The following SNX29 variants were observed in gnomAD, a reference collection of about 807,000 sequenced individuals.
The protein encoded by SNX29 is sorting nexin 29.
Under a neutral mutation model 102.1 loss-of-function variants are expected in SNX29, and 78 were observed. The observed-to-expected ratio is 0.76, with a 90% CI of 0.64 to 0.92. The LOEUF is 0.92. Among genes scored for constraint, SNX29 ranks in the 40% least tolerant of loss-of-function variants. The pLI, the probability that SNX29 is intolerant of heterozygous loss-of-function variation, is 0.00. For missense variants in SNX29, 1,280 were observed against 1,061.7 expected (o/e 1.21, Z -2.86); for synonymous variants, 580 against 414.5 (o/e 1.40, Z -4.85).
chr16:12,441,849 C>T (rs201857675), intron 18 of SNX29, among the ~76,000 whole-genome samples: 1 of 152,136 alleles, frequency 6.6e-6, no homozygotes, highest in Non-Finnish European at 1.5e-5. Context: ...CGTGCAGTGG[C>T]GTGATCTCAG....
At chr16:12,262,164 G>A (rs901247989) in intron 14 of SNX29, among the ~76,000 whole-genome samples, 2 of 152,030 alleles carry the variant, frequency 1.3e-5, no homozygotes, top group African/African-American at 4.8e-5. Flanking sequence ...TGTTGAGCTC[G>A]GGTCTGTGCA....
In SNX29 at chr16:12,199,650, C is replaced by G; in HGVS notation, c.1645C>G (p.Gln549Glu). 6.2e-7 allele frequency: 1 copy of G among 1,613,192 alleles called. No individual in the cohort carries two copies. The highest frequency in any genetic ancestry group is 1.1e-5 in the South Asian group (1 of 90,880). ...ACTGAAGAAATATGTAGGAGCTGTC[C>G]AGATGCTGAAAAGAGAAGGTCAAAC... ...VQLKKYVGAVQMLKREGQTAE... is the reference protein window; with the variant it reads ...VQLKKYVGAVEMLKREGQTAE... Residue 549 changes from glutamine to glutamate, a missense_variant, in exon 14 of 21, where the codon CAG (glutamine) becomes GAG (glutamate). Transcript: ENST00000566228.
intron 3 of SNX29, among the ~76,000 whole-genome samples, chr16:12,017,841 A>G (rs1423920410): frequency 6.6e-6 from 1 of 152,014 alleles, no homozygotes; most frequent in Non-Finnish European, 1.5e-5. Context: ...CTGAAGTGCT[A>G]CCATTATTAT....
At chr16:12,357,296 G>A (rs910228673) in intron 16 of SNX29, among the ~76,000 whole-genome samples, 3 of 151,636 alleles carry the variant, frequency 2.0e-5, no homozygotes, top group African/African-American at 7.3e-5. Context: ...CAAATTCTGG[G>A]TATTATTTCA....
intron 18 of SNX29, among the ~76,000 whole-genome samples, chr16:12,476,968 C>G (rs1321013775): frequency 1.3e-5 from 2 of 152,122 alleles, no homozygotes; most frequent in Admixed American, 1.3e-4. Flanking sequence ...CTGTTCTTAA[C>G]TCATGTAATT....
chr16:12,406,665 T>C (rs746296847), intron 18 of SNX29, among the ~76,000 whole-genome samples: 1 of 152,206 alleles, frequency 6.6e-6, no homozygotes, highest in Non-Finnish European at 1.5e-5. Context: ...CCCAGCACTT[T>C]GGGAGGCCGA....
intron 16 of SNX29, among the ~76,000 whole-genome samples, chr16:12,359,789 A>G (rs768303580): frequency 6.6e-6 from 1 of 152,116 alleles, no homozygotes; most frequent in African/African-American, 2.4e-5. Flanking sequence ...CTGCTAAAAT[A>G]TATTCACAAT....
At chr16:12,281,173 C>G (rs4781202) in intron 15 of SNX29, among the ~76,000 whole-genome samples, 80,548 of 152,080 alleles carry the variant, frequency 0.53, 21,809 homozygotes, top group Non-Finnish European at 0.6. Flanking sequence ...CTCGGCCTCT[C>G]AAAGTGCTGG....
intron 18 of SNX29, among the ~76,000 whole-genome samples, chr16:12,459,124 C>T (rs1417005345): frequency 1.3e-4 from 18 of 135,742 alleles, no homozygotes; most frequent in Non-Finnish European, 2.7e-4. Context: ...CTCCTCCTCC[C>T]ATTTCACTCC....
intron 20 of SNX29, among the ~76,000 whole-genome samples, chr16:12,529,063 C>T (rs1409335807): frequency 2.6e-5 from 4 of 152,236 alleles, no homozygotes; most frequent in Non-Finnish European, 5.9e-5. Context: ...AGTAATCTGC[C>T]ATCTGCACAA....
intron 20 of SNX29, among the ~76,000 whole-genome samples, chr16:12,529,419 G>A (rs935577348): frequency 4.6e-5 from 7 of 152,186 alleles, no homozygotes; most frequent in Non-Finnish European, 1.0e-4. Flanking sequence ...GTGGAGGGAG[G>A]CTCGGACTCC....
At chr16:12,554,386 C>CT (rs5815693) in intron 20 of SNX29, among the ~76,000 whole-genome samples, 88,852 of 152,034 alleles carry the variant, frequency 0.58, 29,092 homozygotes, top group East Asian at 0.99. Context: ...TTCTGTGCCC[C>CT]GTGCATGGGT....
intron 15 of SNX29, among the ~76,000 whole-genome samples, chr16:12,294,307 C>T (rs560427147): frequency 3.9e-5 from 6 of 152,188 alleles, no homozygotes; most frequent in African/African-American, 1.2e-4. Flanking sequence ...GATGGGGAAC[C>T]CTCTTGTCTC....
At chr16:12,396,576 A>C (rs2083730064) in intron 16 of SNX29, among the ~76,000 whole-genome samples, 1 of 152,214 alleles carries the variant, frequency 6.6e-6, no homozygotes, top group South Asian at 2.1e-4. Flanking sequence ...GCAGCCCTAC[A>C]GTGTCTGCCA....
chr16:12,412,780 C>CTCT (rs1415591914), intron 18 of SNX29, among the ~76,000 whole-genome samples: 3 of 152,214 alleles, frequency 2.0e-5, no homozygotes, highest in Non-Finnish European at 4.4e-5. Flanking sequence ...TGGACACACC[C>CTCT]TCTTGGCAGG....
chr16:12,248,616 A>G (rs1414710156), intron 14 of SNX29, among the ~76,000 whole-genome samples: 1 of 151,980 alleles, frequency 6.6e-6, no homozygotes, highest in Non-Finnish European at 1.5e-5. Context: ...GGGTCTCGCC[A>G]GATTGGCCAG....
intron 13 of SNX29, among the ~76,000 whole-genome samples, chr16:12,182,637 A>C (rs1456168417): frequency 6.6e-6 from 1 of 152,186 alleles, no homozygotes; most frequent in Non-Finnish European, 1.5e-5. Flanking sequence ...AATGGGACAT[A>C]GAAATGTCAT....
intron 13 of SNX29, among the ~76,000 whole-genome samples, chr16:12,145,845 T>A (rs988032806): frequency 1.3e-5 from 2 of 152,214 alleles, no homozygotes; most frequent in African/African-American, 2.4e-5. Context: ...TTCTTAACCA[T>A]TTTTTTCCCT....
At chr16:12,012,766 A>G (rs537794270) in intron 3 of SNX29, among the ~76,000 whole-genome samples, 15 of 152,098 alleles carry the variant, frequency 9.9e-5, no homozygotes, top group South Asian at 2.1e-4. Flanking sequence ...TGCCATTTCT[A>G]TGTTCCATCT....
Sources: gnomAD v4.1 joint callset for allele counts (sites outside exome capture counted in the v4.1 genomes callset) on GRCh38, gnomAD v4.1.1 for gene constraint, MANE v1.5 for transcripts, NCBI Gene and HGNC (gene_info 2026-07-23, HGNC 2026-07-21) for gene names.